Variants in CFAP418 observed in about 807,000 individuals in gnomAD.
The protein encoded by CFAP418 is cilia and flagella associated protein 418, also known as cilia- and flagella-associated protein 418.
A neutral mutation model predicts 24.7 loss-of-function variants in CFAP418; 27 were observed. The ratio of observed to expected loss-of-function variants is 1.09; its 90% confidence interval spans 0.81 to 1.51. CFAP418 has a LOEUF of 1.51. CFAP418 is among the 40% of genes most tolerant of loss of function. The pLI, the probability that CFAP418 is intolerant of heterozygous loss-of-function variation, is 0.00. For missense variants in CFAP418, 257 were observed against 255.2 expected, an observed-to-expected ratio of 1.01 and a Z score of -0.05; for synonymous variants, 74 against 87.3, an observed-to-expected ratio of 0.85 and a Z score of 0.85.
At position 95,245,651 on chromosome 8, in the gene CFAP418, A is replaced by C. The variant is rs962464881; in HGVS notation, c.*1966T>G. 6.6e-6 allele frequency: 1 copy of C among 152,280 alleles called. No homozygotes were observed. The highest frequency in any genetic ancestry group is 1.5e-5 in the Non-Finnish European group (1 of 68,086). 9.4% of individuals were successfully genotyped at this position (152,280 alleles called of 1,614,324 possible). A position where few individuals can be genotyped will look rare whatever the true frequency, so the allele number is the denominator to read the frequency against. On this transcript the variant is annotated 3_prime_UTR_variant, in exon 6 of 6. Coordinates refer to ENST00000286688, the MANE Select transcript of CFAP418 (RefSeq NM_177965.4). ...CTACTGGGGAGGCTGAGGCAGGACA[A>C]TCACTTGAAGCTGCGAGGCGGAGGT...
chr8:95,250,672 T>C (rs1202144394), intron 5 of CFAP418, among the ~76,000 whole-genome samples: 2 of 152,186 alleles, frequency 1.3e-5, no homozygotes, highest in African/African-American at 2.4e-5. Flanking sequence ...TTTCCACTTA[T>C]GGGGTAAAAA....
intron 4 of CFAP418, among the ~76,000 whole-genome samples, chr8:95,256,578 A>C (rs928061813): frequency 3.9e-5 from 6 of 152,256 alleles, no homozygotes; most frequent in African/African-American, 1.4e-4. Flanking sequence ...GAACTCAGGC[A>C]TTCTGTCATC....
At chr8:95,263,805 AC>A in intron 1 of CFAP418, 31 bp from the exon 2 acceptor site, 1 of 1,351,692 alleles carries the variant, frequency 7.4e-7, no homozygotes, top group Non-Finnish European at 1.1e-6. Context: ...AAGAAAACTT[AC>A]CTGAGGTTTA....
chr8:95,263,863 A>G (rs1333732562), intron 1 of CFAP418, 89 bp from the exon 2 acceptor site: 1 of 699,950 alleles, frequency 1.4e-6, no homozygotes, highest in Non-Finnish European at 2.5e-6. Context: ...AAAGTCCATT[A>G]TTAGAGCTGA....
chr8:95,266,827 ATAT>A (rs996442353), intron 1 of CFAP418, among the ~76,000 whole-genome samples: 1 of 152,224 alleles, frequency 6.6e-6, no homozygotes, highest in Non-Finnish European at 1.5e-5. Context: ...GGTACTAGAA[ATAT>A]TATGGATGAA....
At chr8:95,255,500 T>C (rs946689869) in intron 4 of CFAP418, among the ~76,000 whole-genome samples, 1 of 152,240 alleles carries the variant, frequency 6.6e-6, no homozygotes, top group African/African-American at 2.4e-5. Context: ...GAGTGTCCAT[T>C]ATCTATGCTT....
chr8:95,260,008 T>G (rs976349149), intron 3 of CFAP418, 103 bp from the exon 4 acceptor site: 1 of 799,948 alleles, frequency 1.3e-6, no homozygotes, highest in Non-Finnish European at 2.0e-6. Context: ...GACTTTATGT[T>G]CTTGTAATCA....
At chr8:95,250,445 A>C (rs1473657063) in intron 5 of CFAP418, among the ~76,000 whole-genome samples, 2 of 152,234 alleles carry the variant, frequency 1.3e-5, no homozygotes, top group Admixed American at 1.3e-4. Context: ...TCAAGTACCG[A>C]CTAGGTTATC....
At chr8:95,265,345 T>C (rs1296040451) in intron 1 of CFAP418, among the ~76,000 whole-genome samples, 1 of 152,208 alleles carries the variant, frequency 6.6e-6, no homozygotes, top group Non-Finnish European at 1.5e-5. Flanking sequence ...ATATTTTATC[T>C]ATAAAAATGA....
intron 1 of CFAP418, chr8:95,268,786 G>A (rs1385541093): frequency 4.2e-5 from 11 of 260,038 alleles, no homozygotes; most frequent in Admixed American, 1.7e-4. Context: ...GGGGCGGGGC[G>A]GGGCGGGGGC....
Position 95,260,649 on chromosome 8 carries a change from G to C in CFAP418, c.244-117C>G, listed in dbSNP as rs1304616547. 4 of 575,182 alleles carry C rather than the reference G, an allele frequency of 7.0e-6. No individual in the cohort carries two copies. The African/African-American group carries it at 8.0e-5, about 11-fold the overall frequency. 35.6% of individuals were successfully genotyped at this position (575,182 alleles called of 1,614,324 possible). On this transcript the variant is annotated intron_variant, in intron 2 of 5. Transcript: ENST00000286688. ...AATGACTTAAATACAAATTTTCATG[G>C]CATCATTTTTAAGTTTCTGAAATAA...
chr8:95,251,565 G>A (rs1244976241), intron 5 of CFAP418, among the ~76,000 whole-genome samples: 2 of 152,188 alleles, frequency 1.3e-5, no homozygotes, highest in African/African-American at 4.8e-5. Context: ...CAGGAGGACG[G>A]TATACTCTGA....
intron 5 of CFAP418, among the ~76,000 whole-genome samples, chr8:95,249,444 C>G (rs1677818366): frequency 6.6e-6 from 1 of 152,166 alleles, no homozygotes; most frequent in African/African-American, 2.4e-5. Context: ...GGGTGGACCA[C>G]TTGAGCTCAG....
chr8:95,264,742 TTC>T, intron 1 of CFAP418, among the ~76,000 whole-genome samples: 1 of 152,338 alleles, frequency 6.6e-6, no homozygotes, highest in East Asian at 1.9e-4. Flanking sequence ...ATAGGCCTTC[TTC>T]ATTACATCTT....
At chr8:95,262,147 A>T (rs1376572108) in intron 2 of CFAP418, among the ~76,000 whole-genome samples, 2 of 152,198 alleles carry the variant, frequency 1.3e-5, no homozygotes, top group Non-Finnish European at 2.9e-5. Flanking sequence ...ACTTTTCATA[A>T]GGTGGGTTCT....
rs1811637118 is a variant in CFAP418, at chr8:95,247,253, G to A, written c.*364C>T. 4.9e-6 allele frequency: 1 copy of A among 204,518 alleles called. No individual in the cohort carries two copies. The highest frequency in any genetic ancestry group is 5.3e-5 in the Admixed American group (1 of 18,730). The allele number at this position is 204,518 out of a possible 1,614,324, so 12.7% of individuals were successfully genotyped here. A position where few individuals can be genotyped will look rare whatever the true frequency, so the allele number is the denominator to read the frequency against. ...CTGGCCGGCTTTATCCACTTTAACT[G>A]CTACAAGTTGGGGAATGATTTGCTA... On this transcript the variant is annotated 3_prime_UTR_variant, in exon 6 of 6. Coordinates refer to ENST00000286688, the MANE Select transcript of CFAP418 (RefSeq NM_177965.4).
rs572110526 is a variant in CFAP418, at chr8:95,252,306, A to AT, written c.375-24dup. 824 of 1,502,160 alleles carry AT rather than the reference A, an allele frequency of 5.5e-4. 6 individuals are homozygous for AT. In the African/African-American group the frequency reaches 0.01, roughly 19 times the overall value. The allele number at this position is 1,502,160 out of a possible 1,614,324, so 93.1% of individuals were successfully genotyped here. ...GCTCTGTTCAGAGAAAAAAAATTGT[A>AT]TATTAAAGATTATTGGTATCTTTAA... On this transcript the variant is annotated intron_variant, in intron 4 of 5. Transcript: ENST00000286688.
chr8:95,256,874 G>A (rs779263199), intron 4 of CFAP418, among the ~76,000 whole-genome samples: 1 of 152,162 alleles, frequency 6.6e-6, no homozygotes, highest in Non-Finnish European at 1.5e-5. Context: ...AGAATGACAA[G>A]CATCCCAGTG....
intron 5 of CFAP418, 79 bp from the exon 6 acceptor site, chr8:95,247,849 G>T (rs1587347740): frequency 1.6e-6 from 2 of 1,282,806 alleles, no homozygotes; most frequent in Non-Finnish European, 1.1e-6. Flanking sequence ...AAAGGTCATT[G>T]CTTTCTTTTC....
Sources: gnomAD v4.1 joint callset for allele counts (sites outside exome capture counted in the v4.1 genomes callset) on GRCh38, gnomAD v4.1.1 for gene constraint, MANE v1.5 for transcripts, NCBI Gene and HGNC (gene_info 2026-07-23, HGNC 2026-07-21) for gene names.